CYTIP: variants seen among roughly 807,000 people sequenced by gnomAD.
CYTIP encodes cytohesin-interacting protein.
A neutral mutation model predicts 43.8 loss-of-function variants in CYTIP; 26 were observed. The ratio of observed to expected loss-of-function variants is 0.59; its 90% CI spans 0.44 to 0.82. The LOEUF (loss-of-function observed/expected upper bound fraction) is 0.82. Ranked by LOEUF, CYTIP falls within the 40% of genes least tolerant of loss-of-function variation. The probability of loss-of-function intolerance (pLI) is 0.00; values close to 1 mark genes in which losing one functional copy is unlikely to be tolerated. For missense variants in CYTIP, 426 were observed against 443.1 expected, an observed-to-expected ratio of 0.96 and a Z score of 0.35; for synonymous variants, 162 against 162.9, an observed-to-expected ratio of 0.99 and a Z score of 0.04.
chr2:157,424,002 A>C (rs1022734866), intron 6 of CYTIP, among the ~76,000 whole-genome samples: 2 of 152,200 alleles, frequency 1.3e-5, no homozygotes, highest in Admixed American at 6.5e-5. Flanking sequence ...CCTTAATCTG[A>C]AAGATAGCTC....
chr2:157,418,506 C>G lies in CYTIP; in HGVS notation c.613+17G>C. On this transcript the variant is annotated intron_variant, in intron 7 of 7. Transcript: ENST00000264192. ...AAGTAATGTTAGTGTGGTTTCTGAA[C>G]AGGAAATTGCATTTACCATGAAGCA... 2.5e-6 allele frequency: 4 copies of G among 1,576,736 alleles called. No homozygotes were observed. The highest frequency in any genetic ancestry group is 3.4e-6 in the Non-Finnish European group (4 of 1,163,428).
At chr2:157,434,293 T>C (rs540602555) in intron 3 of CYTIP, 77 bp downstream of exon 3, 2 of 1,174,070 alleles carry the variant, frequency 1.7e-6, no homozygotes, top group East Asian at 4.7e-5. Context: ...CTAACTTCAT[T>C]TTTTCTTTGC....
rs1489179818 is a variant in CYTIP at position 157,430,883 on chromosome 2, G to C, written c.359C>G (p.Ala120Gly). The part of the protein sequence containing the change: ...LICKIQEDSP[A>G]HCAGLQAGDV... ...ACCAGCTTGCAGGCCAGCACAGTGA[G>C]CTGGGCTGTCCTCCTGTATTTTGCA... The change falls in exon 4 of 8, where the codon GCT becomes GGT. Residue 120 changes from alanine to glycine, a missense_variant. Physicochemically the swap from Ala to Gly is moderately conservative, Grantham distance 60. Transcript: ENST00000264192. The C allele has an allele frequency of 5.0e-6, 8 of 1,612,846 alleles. No homozygotes were observed. The highest frequency in any genetic ancestry group is 5.9e-6 in the Non-Finnish European group (7 of 1,179,678).
At chr2:157,434,187 A>G in intron 3 of CYTIP, 183 bp downstream of exon 3, 3 of 639,650 alleles carry the variant, frequency 4.7e-6, no homozygotes, top group Non-Finnish European at 8.4e-6. Flanking sequence ...ATCATCTTCA[A>G]TGTTTTCTTT....
chr2:157,423,523 C>T (rs1685556486), intron 6 of CYTIP, among the ~76,000 whole-genome samples: 1 of 135,932 alleles, frequency 7.4e-6, no homozygotes, highest in South Asian at 2.5e-4. Flanking sequence ...TGAAACAGTA[C>T]ATTAACAGTA....
At chr2:157,418,176 C>A (rs1435888062) in intron 7 of CYTIP, among the ~76,000 whole-genome samples, 1 of 152,170 alleles carries the variant, frequency 6.6e-6, no homozygotes, top group East Asian at 1.9e-4. Flanking sequence ...CTATACAGCC[C>A]CTTAGCCGTG....
chr2:157,421,372 C>G (rs1010500050), intron 6 of CYTIP, among the ~76,000 whole-genome samples: 2 of 152,180 alleles, frequency 1.3e-5, no homozygotes, highest in African/African-American at 4.8e-5. Context: ...AAAGAAGTTT[C>G]CAATGCTTTC....
chr2:157,424,646 C>T (rs543558282), intron 6 of CYTIP, among the ~76,000 whole-genome samples: 50 of 152,180 alleles, frequency 3.3e-4, no homozygotes, highest in African/African-American at 1.1e-3. Flanking sequence ...GCTATGATCA[C>T]GTTGCTGCAC....
intron 7 of CYTIP, among the ~76,000 whole-genome samples, chr2:157,416,954 G>A (rs1685447311): frequency 1.3e-5 from 2 of 151,790 alleles, no homozygotes; most frequent in Non-Finnish European, 2.9e-5. Flanking sequence ...AACTGAGTTG[G>A]TTGGTATCTT....
chr2:157,427,986 A>C (rs560826308), intron 5 of CYTIP, among the ~76,000 whole-genome samples: 16 of 152,382 alleles, frequency 1.0e-4, no homozygotes, highest in African/African-American at 3.6e-4. Flanking sequence ...TAGAAGAAAC[A>C]GAAGTACAAC....
At chr2:157,442,972 T>C (rs1685941409) in intron 1 of CYTIP, among the ~76,000 whole-genome samples, 1 of 152,034 alleles carries the variant, frequency 6.6e-6, no homozygotes, top group Non-Finnish European at 1.5e-5. Context: ...TTAAAAAAAA[T>C]CCTGAAGAGG....
In CYTIP at chr2:157,416,014, C is replaced by T. The variant is rs1302009160; in HGVS notation, c.743G>A (p.Ser248Asn). The T allele has an allele frequency of 2.5e-6, 4 of 1,614,236 alleles. No individual in the cohort carries two copies. Among genetic ancestry groups the T allele is most frequent in the Non-Finnish European group, 1.7e-6 (2 of 1,180,046 alleles). ...NRLSSESSCK[S>N]WLSSMTMDSE... ...GTCCATCGTCATGGAGCTCAGCCAG[C>T]TCTTACAGCTGCTCTCACTGGATAA... The change falls in exon 8 of 8, where the codon AGC becomes AAC. Residue 248 changes from serine to asparagine, a missense_variant. Physicochemically the swap from Ser to Asn is conservative, Grantham distance 46. Coordinates refer to ENST00000264192, the MANE Select transcript of CYTIP (RefSeq NM_004288.5).
chr2:157,415,926 C>T lies in CYTIP; in HGVS notation c.831G>A (p.Gln277=). The part of the protein sequence containing the change: ...EDSSRGAFSR[Q]TSTDDECFIP... ...TAAAGCACTCATCATCTGTACTCGT[C>T]TGCCGACTGAAGGCACCCCTGCTGG... The change falls in exon 8 of 8, where the codon CAG becomes CAA. Residue 277 remains glutamine (Q), a synonymous_variant. Transcript: ENST00000264192. 1 of 1,614,226 alleles carries T rather than the reference C, an allele frequency of 6.2e-7. No individual in the cohort carries two copies. The highest frequency in any genetic ancestry group is 8.5e-7 in the Non-Finnish European group (1 of 1,180,034).
chr2:157,430,206 G>A (rs1235892442), intron 5 of CYTIP, among the ~76,000 whole-genome samples: 1 of 152,008 alleles, frequency 6.6e-6, no homozygotes, highest in East Asian at 1.9e-4. Context: ...ATTTGTTTTA[G>A]CTACAGGATT....
intron 6 of CYTIP, among the ~76,000 whole-genome samples, chr2:157,421,191 C>T (rs527688007): frequency 1.4e-4 from 21 of 152,360 alleles, no homozygotes; most frequent in Admixed American, 1.2e-3. Context: ...TCTGAGCTCT[C>T]ATTGGATGAG....
At chr2:157,443,221 C>G (rs1391335271) in intron 1 of CYTIP, among the ~76,000 whole-genome samples, 1 of 151,930 alleles carries the variant, frequency 6.6e-6, no homozygotes, top group East Asian at 1.9e-4. Flanking sequence ...AAGGGTGGTT[C>G]TATTATTAAC....
intron 6 of CYTIP, among the ~76,000 whole-genome samples, chr2:157,421,085 G>A (rs1685515597): frequency 6.6e-6 from 1 of 152,194 alleles, no homozygotes; most frequent in Non-Finnish European, 1.5e-5. Context: ...GTGTCAAAGT[G>A]ACTAAGGGTT....
At chr2:157,421,725 A>G (rs1464114985) in intron 6 of CYTIP, among the ~76,000 whole-genome samples, 3 of 152,204 alleles carry the variant, frequency 2.0e-5, no homozygotes, top group Non-Finnish European at 4.4e-5. Context: ...TTTGAGGGAA[A>G]GAATGCTGAC....
intron 5 of CYTIP, 152 bp downstream of exon 5, chr2:157,430,407 G>A: frequency 1.6e-6 from 1 of 640,652 alleles, no homozygotes; most frequent in Non-Finnish European, 2.8e-6. Flanking sequence ...GAAACAAAAG[G>A]AACTGATAAT....
Sources: gnomAD v4.1 joint callset for allele counts (sites outside exome capture counted in the v4.1 genomes callset) on GRCh38, gnomAD v4.1.1 for gene constraint, MANE v1.5 for transcripts, NCBI Gene and HGNC (gene_info 2026-07-23, HGNC 2026-07-21) for gene names.